The following CDC42EP4 variants were observed in gnomAD, a reference collection of about 807,000 sequenced individuals.
CDC42EP4 encodes CDC42 effector protein (Rho GTPase binding) 4.
CDC42EP4 carries 6 observed loss-of-function variants against 5.6 expected under a neutral mutation model. The observed-to-expected ratio is 1.07, with a 90% CI of 0.59 to 2.12. The LOEUF (loss-of-function observed/expected upper bound fraction) is 2.12, where lower values mean the gene tolerates loss of function less well. Among genes scored for constraint, CDC42EP4 ranks in the 30% most tolerant of loss-of-function variants. The pLI is 0.00. For synonymous variants in CDC42EP4, 230 were observed against 224.2 expected, an observed-to-expected ratio of 1.03 and a Z score of -0.23; for missense variants, 490 against 508.6, an observed-to-expected ratio of 0.96 and a Z score of 0.35.
At chr17:73,297,560 A>C (rs982045309) in intron 1 of CDC42EP4, among the ~76,000 whole-genome samples, 1 of 152,218 alleles carries the variant, frequency 6.6e-6, no homozygotes, top group African/African-American at 2.4e-5. Flanking sequence ...CTCTACACAA[A>C]TATGCATCTG....
rs73996155 is a variant in CDC42EP4, at chr17:73,304,558, C to T, written c.-113+7335G>A. Among the ~76,000 whole-genome samples, 1,341 of 150,036 alleles carry T rather than the reference C, an allele frequency of 8.9e-3. 19 individuals carry two copies. The highest frequency in any genetic ancestry group is 0.03 in the African/African-American group (1,228 of 40,708). On this transcript the variant is annotated intron_variant, in intron 1 of 1. Coordinates refer to ENST00000335793, the MANE Select transcript of CDC42EP4 (RefSeq NM_012121.5). ...ACCGAGACTTAGAGGGGCACGTGCT[C>T]TACTCAAGTCACACACGGTTGGTTA...
chr17:73,284,547 A>C lies in CDC42EP4; in HGVS notation c.*883T>G, dbSNP rs1270890613. 6.6e-6 allele frequency: 1 copy of C among 151,634 alleles called. No homozygotes were observed. Among genetic ancestry groups the C allele is most frequent in the Non-Finnish European group, 1.5e-5 (1 of 67,962 alleles). 9.4% of individuals were successfully genotyped at this position (151,634 alleles called of 1,614,324 possible). A position where few individuals can be genotyped will look rare whatever the true frequency, so the allele number is the denominator to read the frequency against. On this transcript the variant is annotated 3_prime_UTR_variant, in exon 2 of 2. Coordinates refer to ENST00000335793, the MANE Select transcript of CDC42EP4 (RefSeq NM_012121.5). ...CCCAGACTCCAGTCCGCTAATCGCC[A>C]CCAGACTCCAGTCCGCTAATCGCCA... is the stretch of plus-strand genomic sequence containing the variant.
chr17:73,305,232 C>T (rs2062238961), intron 1 of CDC42EP4, among the ~76,000 whole-genome samples: 1 of 152,150 alleles, frequency 6.6e-6, no homozygotes, highest in African/African-American at 2.4e-5. Context: ...GGAGCCACCA[C>T]CCGAAGCCAG....
At chr17:73,307,911 T>C (rs2062253057) in intron 1 of CDC42EP4, among the ~76,000 whole-genome samples, 1 of 151,760 alleles carries the variant, frequency 6.6e-6, no homozygotes, top group South Asian at 2.1e-4. Context: ...CCGGCTAATT[T>C]TTGTATTTTT....
chr17:73,304,650 C>CG (rs2062235865), intron 1 of CDC42EP4, among the ~76,000 whole-genome samples: 2 of 10,378 alleles, frequency 1.9e-4, no homozygotes, highest in Non-Finnish European at 3.7e-4. Context: ...TAAGGAACAT[C>CG]GGGGTGGGGG....
In CDC42EP4 at chr17:73,286,393, G is replaced by A. The variant is rs1267197218; in HGVS notation, c.108C>T (p.His36=). The A allele has an allele frequency of 5.6e-6, 9 of 1,614,014 alleles. No individual in the cohort carries two copies. The highest frequency in any genetic ancestry group is 7.6e-6 in the Non-Finnish European group (9 of 1,180,016). The part of the protein sequence containing the change: ...MISAPLGDFR[H]TMHVGRAGDA... ...CTCCGGCCCGGCCAACGTGCATGGT[G>A]TGGCGGAAGTCGCCCAGCGGGGCGC... is the stretch of plus-strand genomic sequence containing the variant. Residue 36 remains histidine, a synonymous_variant, in exon 2 of 2, where the codon CAC becomes CAT. Coordinates refer to ENST00000335793, the MANE Select transcript of CDC42EP4 (RefSeq NM_012121.5). The surrounding 1 kb of genome is among the most constrained non-coding windows in gnomAD (Gnocchi z 7.7).
At chr17:73,301,383 T>A (rs1238986208) in intron 1 of CDC42EP4, among the ~76,000 whole-genome samples, 1 of 152,224 alleles carries the variant, frequency 6.6e-6, no homozygotes, top group Non-Finnish European at 1.5e-5. Context: ...CCAACCATTG[T>A]TCACAGCTGG....
intron 1 of CDC42EP4, among the ~76,000 whole-genome samples, chr17:73,294,117 G>A (rs2062173933): frequency 1.3e-5 from 2 of 152,194 alleles, no homozygotes; most frequent in Admixed American, 1.3e-4. Flanking sequence ...TTGGGAGGCT[G>A]AGGCGGGTGG....
chr17:73,283,849 GGA>G lies in CDC42EP4; in HGVS notation c.*1579_*1580del, dbSNP rs2062115199. Reference sequence around the variant, plus strand: ...TTAGTGTCTAGAGTCAGGCAAGAGAGGAGAGTCAGGCAAGAGAGGAGGGGCCG... The same window carrying G: ...TTAGTGTCTAGAGTCAGGCAAGAGAGGAGTCAGGCAAGAGAGGAGGGGCCG... On this transcript the variant is annotated 3_prime_UTR_variant, in exon 2 of 2. Coordinates refer to ENST00000335793, the MANE Select transcript of CDC42EP4 (RefSeq NM_012121.5). 1 of 152,354 alleles carries G rather than the reference GGA, an allele frequency of 6.6e-6. No homozygotes were observed. The highest frequency in any genetic ancestry group is 1.5e-5 in the Non-Finnish European group (1 of 68,164). 9.4% of individuals were successfully genotyped at this position (152,354 alleles called of 1,614,324 possible).
At chr17:73,307,152 C>T (rs2062248006) in intron 1 of CDC42EP4, 1 of 152,246 alleles carries the variant, frequency 6.6e-6, no homozygotes, top group African/African-American at 2.4e-5. Flanking sequence ...TGTAAGCCTT[C>T]ATTAATGACC....
chr17:73,307,372 C>A (rs565240843), intron 1 of CDC42EP4: 1 of 151,550 alleles, frequency 6.6e-6, no homozygotes, highest in African/African-American at 2.4e-5. Flanking sequence ...CTCAAGAAGG[C>A]GTATTTTAAG....
intron 1 of CDC42EP4, among the ~76,000 whole-genome samples, chr17:73,301,752 A>G (rs1478614293): frequency 7.3e-6 from 1 of 137,874 alleles, no homozygotes; most frequent in Non-Finnish European, 1.5e-5. Flanking sequence ...TATTGCCGAG[A>G]CTGGAGTGCA....
Position 73,286,203 on chromosome 17 carries a change from G to T in CDC42EP4, c.298C>A (p.Arg100Ser). 1.9e-6 allele frequency: 3 copies of T among 1,614,120 alleles called. No individual in the cohort carries two copies. The highest frequency in any genetic ancestry group is 2.5e-6 in the Non-Finnish European group (3 of 1,180,028). The change falls in exon 2 of 2, where the codon CGT becomes AGT. Residue 100 changes from arginine to serine, a missense_variant. By Grantham distance (110) the Arg-to-Ser change is moderately radical (BLOSUM62 -1). Transcript: ENST00000335793. This position sits in a 1 kb window ranked among gnomAD's most constrained non-coding sequence, Gnocchi z 7.7. The stretch of plus-strand genomic sequence containing the variant: ...TCCCGCAGGGAGCCCAGCATGTCAC[G>T]CTGCTCCCGCTCCCCCCTGGTCACC... ...QSVTRGEREQ[R>S]DMLGSLRDSA...
chr17:73,300,997 G>T (rs982341558), intron 1 of CDC42EP4, among the ~76,000 whole-genome samples: 13 of 150,084 alleles, frequency 8.7e-5, no homozygotes, highest in Non-Finnish European at 1.9e-4. Context: ...GGTGAGCAGA[G>T]ATCACGCCAT....
chr17:73,302,427 T>A (rs2062223538), intron 1 of CDC42EP4, among the ~76,000 whole-genome samples: 1 of 152,182 alleles, frequency 6.6e-6, no homozygotes, highest in South Asian at 2.1e-4. Context: ...ACAAGCCACA[T>A]AAGGCTACTG....
intron 1 of CDC42EP4, among the ~76,000 whole-genome samples, chr17:73,296,701 G>A (rs1374130065): frequency 1.3e-5 from 2 of 151,614 alleles, no homozygotes; most frequent in East Asian, 2.0e-4. Context: ...AAAAATACAC[G>A]GCTGGGCACG....
intron 1 of CDC42EP4, among the ~76,000 whole-genome samples, chr17:73,304,355 C>A (rs1369758730): frequency 6.6e-6 from 1 of 150,426 alleles, no homozygotes; most frequent in Non-Finnish European, 1.5e-5. Flanking sequence ...AATCAAAGCT[C>A]ACCGTAACCT....
intron 1 of CDC42EP4, among the ~76,000 whole-genome samples, chr17:73,303,302 C>A (rs1221092586): frequency 2.6e-5 from 4 of 151,858 alleles, no homozygotes; most frequent in African/African-American, 9.7e-5. Context: ...GAGATCGCAC[C>A]CTTACACTCC....
intron 1 of CDC42EP4, among the ~76,000 whole-genome samples, chr17:73,310,726 G>A: frequency 6.7e-6 from 1 of 150,316 alleles, no homozygotes; most frequent in East Asian, 2.0e-4. Flanking sequence ...AGTTAGCAGC[G>A]AGCACCCCTC....
Sources: gnomAD v4.1 joint callset for allele counts (sites outside exome capture counted in the v4.1 genomes callset) on GRCh38, gnomAD v4.1.1 for gene constraint, Gnocchi (gnomAD v3.1) non-coding constraint, MANE v1.5 for transcripts, NCBI Gene and HGNC (gene_info 2026-07-23, HGNC 2026-07-21) for gene names.